The following AMHR2 variants were observed in gnomAD, a reference collection of about 807,000 sequenced individuals.
The protein encoded by AMHR2 is anti-Mullerian hormone receptor type 2.
A neutral mutation model predicts 61.4 loss-of-function variants in AMHR2; 36 were observed. That is an observed-to-expected ratio of 0.59 (90% CI 0.45 to 0.77). The LOEUF (loss-of-function observed/expected upper bound fraction) is 0.77, where lower values mean the gene tolerates loss of function less well. AMHR2 is among the 30% of genes least tolerant of loss of function. The pLI is 0.00. For synonymous variants in AMHR2, 258 were observed against 279.4 expected, an observed-to-expected ratio of 0.92 and a Z score of 0.76; for missense variants, 638 against 714.6, an observed-to-expected ratio of 0.89 and a Z score of 1.22.
Position 53,423,964 on chromosome 12 carries a change from A to T in AMHR2, c.30A>T (p.Leu10Phe), listed in dbSNP as rs1337043518. 2 of 1,614,098 alleles carry T rather than the reference A, an allele frequency of 1.2e-6. No homozygotes were observed. The highest frequency in any genetic ancestry group is 4.5e-5 in the East Asian group (2 of 44,870). ...TAGGGTCTTTGGGGCTTTGGGCATT[A>T]CTTCCCACAGCTGTGGAAGGTAAGT... MLGSLGLWA[L>F]LPTAVEAPPN... The change falls in exon 1 of 11, where the codon TTA becomes TTT. Residue 10 changes from leucine to phenylalanine, a missense_variant. Leu to Phe is a conservative substitution (Grantham distance 22). Coordinates refer to ENST00000257863, the MANE Select transcript of AMHR2 (RefSeq NM_020547.3).
In AMHR2 at chr12:53,428,913, C is replaced by T; in HGVS notation, c.870C>T (p.Tyr290=). 2 of 1,551,628 alleles carry T rather than the reference C, an allele frequency of 1.3e-6. No homozygotes were observed. Among genetic ancestry groups the T allele is most frequent in the Non-Finnish European group, 1.7e-6 (2 of 1,146,998 alleles). ...TTCCCCAGGGCTCCCTGTGCCACTA[C>T]TTGACCCAGTACACCAGTGACTGGG... is the stretch of plus-strand genomic sequence containing the variant. ...ELHPKGSLCH[Y]LTQYTSDWGS... is the part of the protein sequence containing the mutation. Residue 290 remains tyrosine, a synonymous_variant, in exon 7 of 11, where the codon TAC becomes TAT. Coordinates refer to ENST00000257863, the MANE Select transcript of AMHR2 (RefSeq NM_020547.3).
chr12:53,430,033 T>A (rs1939978282), intron 9 of AMHR2, 55 bp downstream of exon 9: 3 of 1,613,940 alleles, frequency 1.9e-6, no homozygotes. Flanking sequence ...CCATTCTAGG[T>A]TCACCCCAAC....
chr12:53,429,750 T>A (rs1013962183), intron 8 of AMHR2, 81 bp from the exon 9 acceptor site: 24 of 1,606,890 alleles, frequency 1.5e-5, no homozygotes, highest in Middle Eastern at 1.6e-4. Context: ...AGTCTGTAGT[T>A]GGGGGGATAT....
intron 6 of AMHR2, among the ~76,000 whole-genome samples, chr12:53,426,314 A>G (rs1427804193): frequency 6.6e-6 from 1 of 151,978 alleles, no homozygotes; most frequent in East Asian, 1.9e-4. Context: ...TGGGAGACAG[A>G]GCGAGACCAT....
At chr12:53,425,415 T>C (rs1009450197) in intron 4 of AMHR2, 40 bp from the exon 5 acceptor site, 5 of 1,610,048 alleles carry the variant, frequency 3.1e-6, no homozygotes, top group Non-Finnish European at 4.2e-6. Context: ...CCTGTCCCTA[T>C]GCATTTGCAC....
At chr12:53,424,954 G>A (rs1024823446) in intron 3 of AMHR2, 54 bp downstream of exon 3, 69 of 1,582,008 alleles carry the variant, frequency 4.4e-5, no homozygotes, top group Admixed American at 6.7e-5. Flanking sequence ...AGGTTAGGAT[G>A]AGAGGTGGAA....
Position 53,430,164 on chromosome 12 carries a change from T to A in AMHR2, c.1307T>A (p.Phe436Tyr), listed in dbSNP as rs772819358. ...DLRPDSSPPP[F>Y]QLAYEAELGN... ...CCTCCAGACAGCAGTCCACCACCCT[T>A]CCAACTGGCCTATGAGGCAGAACTG... The change falls in exon 10 of 11, where the codon TTC (phenylalanine) becomes TAC (tyrosine). Residue 436 changes from phenylalanine (F) to tyrosine (Y), a missense_variant. Coordinates refer to ENST00000257863, the MANE Select transcript of AMHR2 (RefSeq NM_020547.3). 6.2e-7 allele frequency: 1 copy of A among 1,614,098 alleles called. No individual in the cohort carries two copies. Among genetic ancestry groups the A allele is most frequent in the Non-Finnish European group, 8.5e-7 (1 of 1,180,000 alleles).
chr12:53,424,218 T>C, intron 1 of AMHR2, 70 bp from the exon 2 acceptor site: 1 of 1,584,006 alleles, frequency 6.3e-7, no homozygotes, highest in Admixed American at 1.7e-5. Flanking sequence ...TGTCTATTCT[T>C]TTGGCCAGTT....
chr12:53,425,928 CA>C lies in AMHR2; in HGVS notation c.852+11del. ...TGGAACTGCATCCCAAGGTGAGCAC[CA>C]AGGAGTGTATATGTGTGTGTGTGTG... is the stretch of plus-strand genomic sequence containing the variant. On this transcript the variant is annotated intron_variant, in intron 6 of 10. Transcript: ENST00000257863. 6.2e-7 allele frequency: 1 copy of C among 1,611,820 alleles called. No homozygotes were observed. Among genetic ancestry groups the C allele is most frequent in the Non-Finnish European group, 8.5e-7 (1 of 1,178,536 alleles).
At chr12:53,425,361 T>C in intron 4 of AMHR2, 94 bp from the exon 5 acceptor site, 1 of 1,603,920 alleles carries the variant, frequency 6.2e-7, no homozygotes, top group Non-Finnish European at 8.5e-7. Flanking sequence ...ATTCCCGGAC[T>C]CCCATGACCT....
At chr12:53,424,609 C>T in intron 2 of AMHR2, 100 bp from the exon 3 acceptor site, 1 of 1,527,416 alleles carries the variant, frequency 6.5e-7, no homozygotes. Flanking sequence ...GGAAGGGACG[C>T]CTCTGATAGA....
Position 53,425,152 on chromosome 12 carries a change from C to T in AMHR2, c.425-13C>T, listed in dbSNP as rs1359352068. 2 of 1,613,540 alleles carry T rather than the reference C, an allele frequency of 1.2e-6. No individual in the cohort carries two copies. Among genetic ancestry groups the T allele is most frequent in the Non-Finnish European group, 1.7e-6 (2 of 1,180,032 alleles). ...CAGTGCTCTCCAGCCTGCATTCTTGCCTTGATGTCCAGGTGAGTCCATCTG... is the reference window on the plus strand; with the variant it reads ...CAGTGCTCTCCAGCCTGCATTCTTGTCTTGATGTCCAGGTGAGTCCATCTG... On this transcript the variant is annotated splice_polypyrimidine_tract_variant and intron_variant, in intron 3 of 10. Coordinates refer to ENST00000257863, the MANE Select transcript of AMHR2 (RefSeq NM_020547.3).
intron 7 of AMHR2, 95 bp from the exon 8 acceptor site, chr12:53,429,358 C>A: frequency 1.4e-6 from 2 of 1,393,734 alleles, no homozygotes; most frequent in East Asian, 2.3e-5. Context: ...CGACACTGCA[C>A]TCCAGCCTGG....
Position 53,429,637 on chromosome 12 carries a change from G to A in AMHR2, c.1140+12G>A, listed in dbSNP as rs1939937249. 6.2e-7 allele frequency: 1 copy of A among 1,613,376 alleles called. No individual in the cohort carries two copies. Among genetic ancestry groups the A allele is most frequent in the African/African-American group, 1.3e-5 (1 of 74,932 alleles). ...CTGCCATCATGGAAGTGAGTTCTCTGGATAACTGGTGAGGCCCAGGATGAT... is the reference window on the plus strand; with the variant it reads ...CTGCCATCATGGAAGTGAGTTCTCTAGATAACTGGTGAGGCCCAGGATGAT... On this transcript the variant is annotated intron_variant, in intron 8 of 10. Transcript: ENST00000257863.
At chr12:53,427,483 G>A (rs1371061328) in intron 6 of AMHR2, among the ~76,000 whole-genome samples, 1 of 152,134 alleles carries the variant, frequency 6.6e-6, no homozygotes, top group African/African-American at 2.4e-5. Flanking sequence ...TTGGCTCACT[G>A]CAGCCTCTAC....
chr12:53,425,066 GGGTGGGGGTGGGTTGAGAC>G, intron 3 of AMHR2, 80 bp from the exon 4 acceptor site: 1 of 1,599,406 alleles, frequency 6.3e-7, no homozygotes, highest in Non-Finnish European at 8.5e-7. Flanking sequence ...CTTGTGACCA[GGGTGGGGGTGGGTTGAGAC>G]GCAAGCTCTC....
Position 53,424,477 on chromosome 12 carries a change from G to T in AMHR2, c.232+7G>T. On this transcript the variant is annotated splice_region_variant and intron_variant, in intron 2 of 10. Coordinates refer to ENST00000257863, the MANE Select transcript of AMHR2 (RefSeq NM_020547.3). ...GCACAGGTGGAAATGCAAGGTGAATGGCAAAGTATATGGCAGGTGATGGCT... is the reference window on the plus strand; with the variant it reads ...GCACAGGTGGAAATGCAAGGTGAATTGCAAAGTATATGGCAGGTGATGGCT... 1 of 1,612,168 alleles carries T rather than the reference G, an allele frequency of 6.2e-7. No individual in the cohort carries two copies. Among genetic ancestry groups the T allele is most frequent in the South Asian group, 1.1e-5 (1 of 90,804 alleles).
intron 4 of AMHR2, 79 bp from the exon 5 acceptor site, chr12:53,425,376 C>T (rs1475432026): frequency 1.2e-6 from 2 of 1,604,494 alleles, no homozygotes; most frequent in African/African-American, 2.7e-5. Context: ...TGACCTCTCA[C>T]AAAGCTCCCT....
rs1219211234 is a variant in AMHR2, at chr12:53,424,415, C to T, written c.177C>T (p.Arg59=). ...LPRAIRCLYS[R]CCFGIWNLTQ... ...GAGCTATCCGCTGCCTCTACAGCCGCTGCTGCTTTGGGATCTGGAACCTGA... is the reference window on the plus strand; with the variant it reads ...GAGCTATCCGCTGCCTCTACAGCCGTTGCTGCTTTGGGATCTGGAACCTGA... Residue 59 remains arginine (R), a synonymous_variant, in exon 2 of 11, where the codon CGC becomes CGT. Coordinates refer to ENST00000257863, the MANE Select transcript of AMHR2 (RefSeq NM_020547.3). 6.2e-7 allele frequency: 1 copy of T among 1,613,768 alleles called. No homozygotes were observed. Among genetic ancestry groups the T allele is most frequent in the East Asian group, 2.2e-5 (1 of 44,880 alleles).
Sources: allele counts gnomAD v4.1 joint callset (sites outside exome capture counted in the v4.1 genomes callset), GRCh38; gene constraint gnomAD v4.1.1; transcripts MANE v1.5; gene names NCBI Gene and HGNC (gene_info 2026-07-23, HGNC 2026-07-21).